HLA-DPA1: variants seen among roughly 807,000 people sequenced by gnomAD.
HLA-DPA1 encodes the protein major histocompatibility complex, class II, DP alpha 1.
A neutral mutation model predicts 21.5 loss-of-function variants in HLA-DPA1; 20 were observed. That is an observed-to-expected ratio of 0.93 (90% CI 0.66 to 1.35). The LOEUF (loss-of-function observed/expected upper bound fraction) is 1.35. Ranked by LOEUF, HLA-DPA1 falls within the 40% of genes most tolerant of loss-of-function variation. HLA-DPA1 has a pLI of 0.00. For synonymous variants in HLA-DPA1, 123 were observed against 129.6 expected (o/e 0.95, Z 0.35); for missense variants, 279 against 323.0 (o/e 0.86, Z 1.05).
At chr6:33,071,008 A>T (rs1184723979) in intron 2 of HLA-DPA1, among the ~76,000 whole-genome samples, 2 of 152,222 alleles carry the variant, frequency 1.3e-5, no homozygotes, top group Non-Finnish European at 2.9e-5. Flanking sequence ...TGTATGTGAA[A>T]GTCTGGGTTT....
At chr6:33,069,398 T>A in intron 3 of HLA-DPA1, 98 bp from the exon 3 acceptor site, 2 of 1,259,702 alleles carry the variant, frequency 1.6e-6, no homozygotes, top group Admixed American at 2.1e-5. Flanking sequence ...AGCCTTAGAT[T>A]TTATGGCAGC....
At chr6:33,065,619 G>A (rs1761921059) in intron 5 of HLA-DPA1, 1 of 152,232 alleles carries the variant, frequency 6.6e-6, no homozygotes, top group South Asian at 2.1e-4. Context: ...ATACAGACAA[G>A]GGGAAGGGCC....
chr6:33,072,449 G>C (rs1319025444), intron 2 of HLA-DPA1, among the ~76,000 whole-genome samples: 1 of 152,204 alleles, frequency 6.6e-6, no homozygotes, highest in Non-Finnish European at 1.5e-5. Context: ...GAGCTCATTA[G>C]GAATTTCTAC....
At chr6:33,072,770 G>T (rs1251356019) in intron 2 of HLA-DPA1, among the ~76,000 whole-genome samples, 1 of 152,148 alleles carries the variant, frequency 6.6e-6, no homozygotes, top group Non-Finnish European at 1.5e-5. Context: ...GTCCATCTCT[G>T]GCTGAGTCCT....
intron 2 of HLA-DPA1, among the ~76,000 whole-genome samples, 188 bp from the exon 2 acceptor site, chr6:33,070,074 T>G (rs570128654): frequency 6.6e-6 from 1 of 152,136 alleles, no homozygotes; most frequent in Non-Finnish European, 1.5e-5. Flanking sequence ...TGAGCAGTTA[T>G]AAAAAGAAAG....
In HLA-DPA1 at chr6:33,073,772, G is replaced by T. The variant is rs191769837; in HGVS notation, c.-99-103C>A. 86 of 542,046 alleles carry T rather than the reference G, an allele frequency of 1.6e-4. No individual in the cohort carries two copies. The East Asian group carries it at 2.5e-3, about 16-fold the overall frequency. 33.6% of individuals were successfully genotyped at this position (542,046 alleles called of 1,614,324 possible). A position where few individuals can be genotyped will look rare whatever the true frequency, so the allele number is the denominator to read the frequency against. On this transcript the variant is annotated intron_variant, in intron 1 of 5. Coordinates refer to ENST00000419277, the Ensembl canonical transcript of HLA-DPA1. ...CTGGGTAAAGAGGACGCTGGAAGGTGCTGGGGAAGAGATGGGAGAATTTTA... is the reference window on the plus strand; with the variant it reads ...CTGGGTAAAGAGGACGCTGGAAGGTTCTGGGGAAGAGATGGGAGAATTTTA...
chr6:33,068,498 CAGTT>C (rs1166537199), intron 5 of HLA-DPA1, 136 bp downstream of exon 4: 11 of 649,490 alleles, frequency 1.7e-5, no homozygotes, highest in Admixed American at 2.9e-5. Flanking sequence ...ATTAACTACT[CAGTT>C]AGTTATCGGT....
At chr6:33,076,246 G>T (rs777582951) in intron 1 of HLA-DPA1, 23 of 742,152 alleles carry the variant, frequency 3.1e-5, no homozygotes, top group Non-Finnish European at 4.3e-5. Flanking sequence ...GGGGGCTCCT[G>T]CCCTAAGGCA....
At chr6:33,076,146 G>A in intron 1 of HLA-DPA1, 1 of 1,587,174 alleles carries the variant, frequency 6.3e-7, no homozygotes, top group African/African-American at 1.3e-5. Flanking sequence ...CTCCAGGTAA[G>A]AGCCGAACTG....
intron 2 of HLA-DPA1, among the ~76,000 whole-genome samples, chr6:33,070,255 C>T (rs1339844678): frequency 2.1e-5 from 3 of 144,908 alleles, no homozygotes; most frequent in Non-Finnish European, 4.5e-5. Flanking sequence ...ATATTTCACT[C>T]GCTGAATTGT....
exon 2 of HLA-DPA1, chr6:33,073,611 G>C: frequency 6.8e-7 from 1 of 1,472,052 alleles, no homozygotes; most frequent in Non-Finnish European, 9.5e-7. Context: ...CACAGGAACA[G>C]TGATGAGGAA....
At chr6:33,072,186 C>T (rs111978786) in intron 2 of HLA-DPA1, among the ~76,000 whole-genome samples, 6,730 of 152,256 alleles carry the variant, frequency 0.044, 432 homozygotes, top group African/African-American at 0.14. Flanking sequence ...GTCAGAGGCA[C>T]TGAGAAGAAC....
At chr6:33,068,536 T>G in intron 5 of HLA-DPA1, 102 bp downstream of exon 4, 1 of 905,246 alleles carries the variant, frequency 1.1e-6, no homozygotes. Flanking sequence ...TGTGGCTGAA[T>G]GCTTTTAACC....
At chr6:33,078,575 G>A (rs1762674755) in intron 1 of HLA-DPA1, among the ~76,000 whole-genome samples, 1 of 152,050 alleles carries the variant, frequency 6.6e-6, no homozygotes. Flanking sequence ...ACCGTGCTCT[G>A]GGCAACTCAA....
intron 1 of HLA-DPA1, among the ~76,000 whole-genome samples, chr6:33,076,807 G>A (rs1054642884): frequency 9.9e-5 from 15 of 152,098 alleles, no homozygotes; most frequent in African/African-American, 3.1e-4. Flanking sequence ...AGACAGCCAA[G>A]GAAGCAGTAA....
exon 6 of HLA-DPA1, chr6:33,065,198 TG>T (rs1195217656): frequency 6.6e-6 from 1 of 152,008 alleles, no homozygotes; most frequent in Non-Finnish European, 1.5e-5. Flanking sequence ...TTTGAGGTAA[TG>T]GATAAGGACA....
intron 2 of HLA-DPA1, 82 bp downstream of exon 1, chr6:33,073,389 A>G: frequency 1.1e-6 from 1 of 889,152 alleles, no homozygotes. Context: ...GAGCCCCTAA[A>G]ATCTGTGATC....
intron 1 of HLA-DPA1, among the ~76,000 whole-genome samples, chr6:33,076,379 G>GTATGCT (rs9282410): frequency 0.61 from 92,079 of 151,684 alleles, 30,723 homozygotes; most frequent in East Asian, 0.88. Flanking sequence ...CCAGTGGTCA[G>GTATGCT]TGTCTTTGGG....
rs1350512166 is a variant in HLA-DPA1 at position 33,080,266 on chromosome 6, TGTCA to T, written c.-100+410_-100+413del. 2.7e-6 allele frequency: 1 copy of T among 371,116 alleles called. No individual in the cohort carries two copies. Among genetic ancestry groups the T allele is most frequent in the Non-Finnish European group, 5.3e-6 (1 of 189,984 alleles). The allele number at this position is 371,116 out of a possible 1,614,324, so 23.0% of individuals were successfully genotyped here. A position where few individuals can be genotyped will look rare whatever the true frequency, so the allele number is the denominator to read the frequency against. On this transcript the variant is annotated intron_variant, in intron 1 of 5. Transcript: ENST00000419277. The surrounding 1 kb of genome is among the most constrained non-coding windows in gnomAD (Gnocchi z 4.3). ...ACCAGGACTGACATCAGGATGGAAATGTCAGTCAGGGAGTTAAGTAGGGGGAGCA... is the reference window on the plus strand; with the variant it reads ...ACCAGGACTGACATCAGGATGGAAATGTCAGGGAGTTAAGTAGGGGGAGCA...
Sources: gnomAD v4.1 joint callset for allele counts (sites outside exome capture counted in the v4.1 genomes callset) on GRCh38, gnomAD v4.1.1 for gene constraint, Gnocchi (gnomAD v3.1) non-coding constraint, MANE v1.5 for transcripts, NCBI Gene and HGNC (gene_info 2026-07-23, HGNC 2026-07-21) for gene names.